Variants in RSPH6A observed in about 807,000 individuals in gnomAD.
RSPH6A encodes radial spoke head protein 6 homolog A.
Under a neutral mutation model 66.1 loss-of-function variants are expected in RSPH6A, and 49 were observed. The observed-to-expected ratio is 0.74, with a 90% CI of 0.59 to 0.94. RSPH6A has a LOEUF of 0.94. Ranked by LOEUF, RSPH6A falls within the 40% of genes least tolerant of loss-of-function variation. The pLI, the probability that RSPH6A is intolerant of heterozygous loss-of-function variation, is 0.00. For synonymous variants in RSPH6A, 419 were observed against 402.4 expected (o/e 1.04, Z -0.49); for missense variants, 977 against 948.3 (o/e 1.03, Z -0.40).
intron 1 of RSPH6A, 97 bp downstream of exon 1, chr19:45,814,429 AG>A: frequency 1.8e-6 from 2 of 1,134,260 alleles, no homozygotes; most frequent in East Asian, 5.3e-5. Flanking sequence ...GTTTTCCATG[AG>A]GGATGATCCC....
rs372429646 is a variant in RSPH6A at position 45,810,825 on chromosome 19, C to T, written c.666G>A (p.Val222=). 1.1e-5 allele frequency: 17 copies of T among 1,610,120 alleles called. No homozygotes were observed. The African/African-American group carries it at 1.5e-4, about 14-fold the overall frequency. The change falls in exon 2 of 6, where the codon GTG becomes GTA. Residue 222 remains valine (V), a synonymous_variant. Transcript: ENST00000221538. ...GGTTCAGGATCTTGGTCAGCAGATT[C>T]ACCAGGTGCTCGTACCTGCCTCCCG... ...NCDLSLYEHL[V]NLLTKILNQR...
chr19:45,796,154 A>G, intron 5 of RSPH6A, 48 bp from the exon 6 acceptor site: 1 of 1,301,996 alleles, frequency 7.7e-7, no homozygotes, highest in African/African-American at 1.6e-5. Context: ...AAGGCCCCAG[A>G]CTTGACTTTT....
chr19:45,801,064 C>T (rs1312542939), intron 4 of RSPH6A, among the ~76,000 whole-genome samples: 1 of 152,154 alleles, frequency 6.6e-6, no homozygotes, highest in Non-Finnish European at 1.5e-5. Flanking sequence ...CCCCAAAGTG[C>T]TGGGATTACA....
Position 45,804,795 on chromosome 19 carries a change from C to G in RSPH6A, c.1110G>C (p.Glu370Asp), listed in dbSNP as rs775021801. The G allele has an allele frequency of 6.8e-6, 11 of 1,613,844 alleles. No individual in the cohort carries two copies. The highest frequency in any genetic ancestry group is 1.6e-4 in the Middle Eastern group (1 of 6,062). Residue 370 changes from glutamate (E) to aspartate (D), a missense_variant, in exon 3 of 6, where the codon GAG (glutamate) becomes GAC (aspartate). Coordinates refer to ENST00000221538, the MANE Select transcript of RSPH6A (RefSeq NM_030785.4). The surrounding 1 kb of genome is among the most constrained non-coding windows in gnomAD (Gnocchi z 5.8). ...VEFREGEEEA[E>D]EEEVEEMTEG... ...CCGTCATCTCCTCCACCTCCTCCTC[C>G]TCTGCCTCCTCCTCGCCCTCCCGGA... is the stretch of plus-strand genomic sequence containing the variant.
intron 4 of RSPH6A, among the ~76,000 whole-genome samples, chr19:45,800,774 A>ACACTCTCT (rs1491172653): frequency 1.9e-5 from 2 of 105,094 alleles, no homozygotes; most frequent in African/African-American, 7.7e-5. Context: ...ACACACACAC[A>ACACTCTCT]CTCTCTCTCT....
chr19:45,798,864 A>AAAGAC (rs1236586047), intron 5 of RSPH6A, among the ~76,000 whole-genome samples: 2 of 151,756 alleles, frequency 1.3e-5, no homozygotes, highest in Non-Finnish European at 2.9e-5. Flanking sequence ...AAAGAAAAGA[A>AAAGAC]AAACAAAAAC....
rs140927319 is a variant in RSPH6A, at chr19:45,814,395, G to A, written c.650+132C>T. On this transcript the variant is annotated intron_variant, in intron 1 of 5. Coordinates refer to ENST00000221538, the MANE Select transcript of RSPH6A (RefSeq NM_030785.4). ...GCTAGCTGTTGTTGGCATTGATTCC[G>A]ACTCAGCTGAATTAGAGTCACTGGT... 434 of 753,582 alleles carry A rather than the reference G, an allele frequency of 5.8e-4. 3 individuals are homozygous for A. The African/African-American group carries it at 7.1e-3, about 12-fold the overall frequency. The allele number at this position is 753,582 out of a possible 1,614,324, so 46.7% of individuals were successfully genotyped here. A position where few individuals can be genotyped will look rare whatever the true frequency, so the allele number is the denominator to read the frequency against.
chr19:45,810,899 G>GA, intron 1 of RSPH6A, 59 bp from the exon 2 acceptor site: 1 of 1,455,662 alleles, frequency 6.9e-7, no homozygotes, highest in Non-Finnish European at 9.4e-7. Flanking sequence ...TCACTGAGCT[G>GA]GCTCCCATGT....
At position 45,804,724 on chromosome 19, in the gene RSPH6A, T is replaced by C; in HGVS notation, c.1181A>G (p.Glu394Gly). The change falls in exon 3 of 6, where the codon GAG (glutamate) becomes GGG (glycine). Residue 394 changes from glutamate (E) to glycine (G), a missense_variant. Physicochemically the swap from Glu to Gly is moderately conservative, Grantham distance 98. Coordinates refer to ENST00000221538, the MANE Select transcript of RSPH6A (RefSeq NM_030785.4). This position sits in a 1 kb window ranked among gnomAD's most constrained non-coding sequence, Gnocchi z 5.8. ...MEAHGEEEGE[E>G]DEEKAVDIVP... is the part of the protein sequence containing the mutation. ...GATGTCCACGGCCTTCTCCTCGTCC[T>C]CCTCGCCCTCCTCCTCGCCGTGCGC... 6.2e-7 allele frequency: 1 copy of C among 1,613,408 alleles called. No homozygotes were observed. The highest frequency in any genetic ancestry group is 8.5e-7 in the Non-Finnish European group (1 of 1,179,762).
In RSPH6A at chr19:45,800,430, C is replaced by A. The variant is rs1221031561; in HGVS notation, c.1916+16G>T. The A allele has an allele frequency of 1.9e-6, 3 of 1,606,276 alleles. No homozygotes were observed. The highest frequency in any genetic ancestry group is 3.4e-5 in the Admixed American group (2 of 59,672). On this transcript the variant is annotated intron_variant, in intron 5 of 5. Transcript: ENST00000221538. ...TGAGAGATTCTCCTGCTGGGAGGGG[C>A]TGGGGGAAGACCTACTTGCCACTGG...
rs774657723 is a variant in RSPH6A, at chr19:45,804,296, A to G, written c.1609T>C (p.Ser537Pro). The G allele has an allele frequency of 6.8e-6, 11 of 1,613,862 alleles. No individual in the cohort carries two copies. The South Asian group carries it at 1.2e-4, about 18-fold the overall frequency. Residue 537 changes from serine to proline, a missense_variant, in exon 3 of 6, where the codon TCC becomes CCC. Coordinates refer to ENST00000221538, the MANE Select transcript of RSPH6A (RefSeq NM_030785.4). The surrounding 1 kb of genome is among the most constrained non-coding windows in gnomAD (Gnocchi z 5.8). The stretch of plus-strand genomic sequence containing the variant: ...GTGTGATGCACCCAGTTGGCCATGG[A>G]GTCGACCAGCTCCAGCACGGGGATG... ...EGIPVLELVD[S>P]MANWVHHTQH...
At chr19:45,814,276 C>T (rs1447336334) in intron 1 of RSPH6A, among the ~76,000 whole-genome samples, 1 of 152,224 alleles carries the variant, frequency 6.6e-6, no homozygotes, top group Admixed American at 6.5e-5. Flanking sequence ...GTGTCTCGGT[C>T]TCCTCCTCTG....
chr19:45,806,979 C>G (rs1479046899), intron 2 of RSPH6A, among the ~76,000 whole-genome samples: 3 of 151,478 alleles, frequency 2.0e-5, no homozygotes, highest in Admixed American at 1.3e-4. Flanking sequence ...ACTGCAACCT[C>G]CACTCCTGGG....
At chr19:45,813,509 A>G (rs945761976) in intron 1 of RSPH6A, among the ~76,000 whole-genome samples, 2 of 150,372 alleles carry the variant, frequency 1.3e-5, no homozygotes, top group African/African-American at 4.8e-5. Flanking sequence ...ATGCCCTGAT[A>G]ATTTTTGTAT....
chr19:45,808,165 G>A (rs530411417), intron 2 of RSPH6A, among the ~76,000 whole-genome samples: 21 of 152,300 alleles, frequency 1.4e-4, no homozygotes, highest in African/African-American at 5.1e-4. Flanking sequence ...CATGGCTCAC[G>A]CCTGTAATCC....
rs3045732 is a variant in RSPH6A, at chr19:45,800,730, CCACACACACACA to C, written c.1799-179_1799-168del. ...GCGGTGTTTGAACCCTCGCTGCAGACCACACACACACACACACACACACACACACACACACAC... is the reference window on the plus strand; with the variant it reads ...GCGGTGTTTGAACCCTCGCTGCAGACCACACACACACACACACACACACAC... On this transcript the variant is annotated intron_variant, in intron 4 of 5. Transcript: ENST00000221538. 1.4e-3 allele frequency among the ~76,000 whole-genome samples: 163 copies of C among 113,346 alleles called. 1 individual carries two copies. Among genetic ancestry groups the C allele is most frequent in the African/African-American group, 5.2e-3 (150 of 28,734 alleles). 74.4% of individuals were successfully genotyped at this position (113,346 alleles called of 152,430 possible).
intron 1 of RSPH6A, among the ~76,000 whole-genome samples, chr19:45,813,827 G>C (rs1488506365): frequency 6.6e-6 from 1 of 152,176 alleles, no homozygotes; most frequent in Non-Finnish European, 1.5e-5. Context: ...GCTTTGGCAA[G>C]TATCTTCCTC....
rs1970678758 is a variant in RSPH6A, at chr19:45,814,676, T to C, written c.501A>G (p.Ile167Met). 6.2e-7 allele frequency: 1 copy of C among 1,611,868 alleles called. No homozygotes were observed. The highest frequency in any genetic ancestry group is 8.5e-7 in the Non-Finnish European group (1 of 1,178,884). Residue 167 changes from isoleucine (I) to methionine (M), a missense_variant, in exon 1 of 6, where the codon ATA becomes ATG. Transcript: ENST00000221538. ...FSEGAQHGPYIRDDPALQFLP... is the reference protein window; with the variant it reads ...FSEGAQHGPYMRDDPALQFLP... Reference sequence around the variant, plus strand: ...AGAACTGAAGGGCAGGGTCATCCCTTATGTAAGGCCCGTGCTGGGCACCTT... The same window carrying C: ...AGAACTGAAGGGCAGGGTCATCCCTCATGTAAGGCCCGTGCTGGGCACCTT...
At chr19:45,810,967 A>G in intron 1 of RSPH6A, 127 bp from the exon 2 acceptor site, 1 of 579,102 alleles carries the variant, frequency 1.7e-6, no homozygotes, top group Non-Finnish European at 3.0e-6. Flanking sequence ...GTCCCTGCCC[A>G]GGTGTAGCTG....
Sources: allele counts gnomAD v4.1 joint callset (sites outside exome capture counted in the v4.1 genomes callset), GRCh38; gene constraint gnomAD v4.1.1; non-coding constraint Gnocchi (gnomAD v3.1); transcripts MANE v1.5; gene names NCBI Gene and HGNC (gene_info 2026-07-23, HGNC 2026-07-21).